Variants in P2RX7 observed in about 807,000 individuals in gnomAD.
The protein encoded by P2RX7 is P2X purinoceptor 7.
P2RX7 carries 62 observed loss-of-function variants against 71.6 expected under a neutral mutation model. The observed-to-expected ratio is 0.87, with a 90% confidence interval of 0.71 to 1.07. The LOEUF (loss-of-function observed/expected upper bound fraction) is 1.07. P2RX7 is among the 50% of genes least tolerant of loss of function. The probability of loss-of-function intolerance (pLI) is 0.00; values close to 1 mark genes in which losing one functional copy is unlikely to be tolerated. For synonymous variants in P2RX7, 299 were observed against 283.3 expected (o/e 1.06, Z -0.56); for missense variants, 686 against 748.5 (o/e 0.92, Z 0.97).
chr12:121,162,129 C>A (rs529640269), intron 4 of P2RX7: 126 of 638,970 alleles, frequency 2.0e-4, no homozygotes, highest in Non-Finnish European at 2.2e-4. Flanking sequence ...TAAGTGAGAG[C>A]ATACACCTGT....
At chr12:121,175,310 C>CAAAAAA (rs370710698) in intron 8 of P2RX7, 78 bp from the exon 9 acceptor site, 7,715 of 461,072 alleles carry the variant, frequency 0.017, 51 homozygotes, top group South Asian at 0.036. Context: ...GACCCTGTCT[C>CAAAAAA]AAAAAAAAAA....
Position 121,149,086 on chromosome 12 carries a change from T to C in P2RX7, c.126-5699T>C. 1.7e-6 allele frequency: 1 copy of C among 582,528 alleles called. No individual in the cohort carries two copies. Among genetic ancestry groups the C allele is most frequent in the Non-Finnish European group, 3.4e-6 (1 of 295,614 alleles). The allele number at this position is 582,528 out of a possible 1,614,324, so 36.1% of individuals were successfully genotyped here. ...GAAGAGCAATCTAACCATGCTGGCA[T>C]GGGGCCCATCCCACCTGTGATGCCA... is the stretch of plus-strand genomic sequence containing the variant. On this transcript the variant is annotated intron_variant, in intron 1 of 12. Coordinates refer to ENST00000328963, the MANE Select transcript of P2RX7 (RefSeq NM_002562.6). This position sits in a 1 kb window ranked among gnomAD's most constrained non-coding sequence, Gnocchi z 4.7.
At chr12:121,144,578 C>A (rs945774227) in intron 1 of P2RX7, among the ~76,000 whole-genome samples, 1 of 152,160 alleles carries the variant, frequency 6.6e-6, no homozygotes, top group Non-Finnish European at 1.5e-5. Flanking sequence ...AGTCAGTAAG[C>A]AATAGAGCTG....
At chr12:121,155,749 C>T (rs924533481) in intron 2 of P2RX7, among the ~76,000 whole-genome samples, 5 of 152,132 alleles carry the variant, frequency 3.3e-5, no homozygotes, top group African/African-American at 1.2e-4. Flanking sequence ...ACCCTCGCCT[C>T]CCCAGGTCTC....
chr12:121,177,234 G>A, intron 10 of P2RX7, 22 bp downstream of exon 10: 1 of 1,614,114 alleles, frequency 6.2e-7, no homozygotes, highest in Non-Finnish European at 8.5e-7. Context: ...TCTTTTCCAT[G>A]CTTTAGGAAA....
intron 12 of P2RX7, among the ~76,000 whole-genome samples, chr12:121,180,941 GT>G (rs1456728193): frequency 6.6e-6 from 1 of 151,140 alleles, no homozygotes; most frequent in African/African-American, 2.4e-5. Context: ...TCCAGCCTGG[GT>G]GACAGAGCAA....
intron 5 of P2RX7, among the ~76,000 whole-genome samples, chr12:121,163,052 C>T (rs772070575): frequency 6.6e-6 from 1 of 152,094 alleles, no homozygotes; most frequent in East Asian, 1.9e-4. Context: ...ATTGATGCTT[C>T]GCTTCAATAC....
At chr12:121,167,691 A>G in intron 8 of P2RX7, 67 bp downstream of exon 8, 1 of 1,393,732 alleles carries the variant, frequency 7.2e-7, no homozygotes, top group Non-Finnish European at 9.5e-7. Context: ...TGGTGAGACT[A>G]ATTTTGGTTT....
rs539143650 is a variant in P2RX7, at chr12:121,154,275, A to G, written c.126-510A>G. ...ATTGCACTCCAGTCTGGGCAACAAG[A>G]GCAAAACTCTGTTTCAAAAAAAAAA... On this transcript the variant is annotated intron_variant, in intron 1 of 12. Coordinates refer to ENST00000328963, the MANE Select transcript of P2RX7 (RefSeq NM_002562.6). This position sits in a 1 kb window ranked among gnomAD's most constrained non-coding sequence, Gnocchi z 4.2. Among the ~76,000 whole-genome samples, 227 of 150,594 alleles carry G rather than the reference A, an allele frequency of 1.5e-3. 1 individual carries two copies. The highest frequency in any genetic ancestry group is 4.9e-3 in the African/African-American group (199 of 40,658).
chr12:121,166,171 C>A lies in P2RX7; in HGVS notation c.728C>A (p.Ser243Ter). 6.2e-7 allele frequency: 1 copy of A among 1,613,508 alleles called. No homozygotes were observed. The highest frequency in any genetic ancestry group is 1.1e-5 in the South Asian group (1 of 91,024). Residue 243 changes from serine (S) to a stop codon, truncating the protein, a stop_gained, in exon 7 of 13, where the codon TCA becomes TAA. Transcript: ENST00000328963. LOFTEE classifies it high-confidence loss of function. ...TTCCGAGAAACAGGCGATAATTTTT[C>A]AGATGTGGCAATTCAGGTTGGTGGT... ...DIFRETGDNF[S>*]DVAIQGGIMG...
intron 5 of P2RX7, among the ~76,000 whole-genome samples, chr12:121,164,362 G>T (rs1254908907): frequency 1.3e-5 from 2 of 152,164 alleles, no homozygotes; most frequent in African/African-American, 4.8e-5. Flanking sequence ...TAAGTTTTAG[G>T]TAAAATACAA....
Position 121,166,123 on chromosome 12 carries a change from C to T in P2RX7, c.680C>T (p.Pro227Leu). 5 of 1,613,884 alleles carry T rather than the reference C, an allele frequency of 3.1e-6. No individual in the cohort carries two copies. Among genetic ancestry groups the T allele is most frequent in the Non-Finnish European group, 4.2e-6 (5 of 1,179,822 alleles). ...CACAAGACTCAGAATCCACAGTGTC[C>T]CATTTTCCGACTAGGAGACATCTTC... ...TFHKTQNPQC[P>L]IFRLGDIFRE... The change falls in exon 7 of 13, where the codon CCC becomes CTC. Residue 227 changes from proline to leucine, a missense_variant. Pro to Leu is a moderately conservative substitution (Grantham distance 98, BLOSUM62 -3). Coordinates refer to ENST00000328963, the MANE Select transcript of P2RX7 (RefSeq NM_002562.6).
At chr12:121,155,021 C>T in intron 2 of P2RX7, 68 bp downstream of exon 2, 2 of 1,592,722 alleles carry the variant, frequency 1.3e-6, no homozygotes, top group South Asian at 1.1e-5. Context: ...GCTCCCTTCC[C>T]CTAGGATCTA....
At chr12:121,133,141 G>A in intron 1 of P2RX7, 46 bp downstream of exon 1, 2 of 1,609,978 alleles carry the variant, frequency 1.2e-6, no homozygotes, top group South Asian at 2.2e-5. Context: ...GTGGCCGACA[G>A]CACAGAAAGC....
chr12:121,141,489 T>G lies in P2RX7; in HGVS notation c.125+8394T>G, dbSNP rs1874856592. Among the ~76,000 whole-genome samples the G allele has an allele frequency of 2.0e-5, 3 of 152,298 alleles. No individual in the cohort carries two copies. In the South Asian group the frequency reaches 6.2e-4, roughly 32 times the overall value. The stretch of plus-strand genomic sequence containing the variant: ...GGTACAGTGGCAGAGAAGGCGAGGC[T>G]GAGGTGGGGCTGGGGAAGCCAGCAG... On this transcript the variant is annotated intron_variant, in intron 1 of 12. Coordinates refer to ENST00000328963, the MANE Select transcript of P2RX7 (RefSeq NM_002562.6).
intron 1 of P2RX7, among the ~76,000 whole-genome samples, chr12:121,145,441 G>A (rs531721245): frequency 1.3e-5 from 2 of 152,226 alleles, no homozygotes; most frequent in African/African-American, 2.4e-5. Context: ...GACTAGAGTG[G>A]GTAGAGGAGT....
chr12:121,161,789 TAAAA>T (rs11443206), intron 4 of P2RX7, among the ~76,000 whole-genome samples: 1 of 119,544 alleles, frequency 8.4e-6, no homozygotes, highest in African/African-American at 3.0e-5. Context: ...GAGACCCCTT[TAAAA>T]AAAAAAAAAA....
At chr12:121,180,175 G>A (rs1883893678) in intron 11 of P2RX7, among the ~76,000 whole-genome samples, 179 bp from the exon 12 acceptor site, 1 of 151,490 alleles carries the variant, frequency 6.6e-6, no homozygotes, top group Non-Finnish European at 1.5e-5. Context: ...AAAGCATGGG[G>A]TTCCATTTCT....
At chr12:121,156,253 G>A (rs208290) in intron 3 of P2RX7, 106 bp downstream of exon 3, 286,168 of 867,118 alleles carry the variant, frequency 0.33, 54,764 homozygotes, top group African/African-American at 0.76. Flanking sequence ...TGAGCCCACA[G>A]ATATCTACTG....
Sources: gnomAD v4.1 joint callset for allele counts (sites outside exome capture counted in the v4.1 genomes callset) on GRCh38, gnomAD v4.1.1 for gene constraint, Gnocchi (gnomAD v3.1) non-coding constraint, MANE v1.5 for transcripts, NCBI Gene and HGNC (gene_info 2026-07-23, HGNC 2026-07-21) for gene names.